The following SIM1 variants were observed in gnomAD, a reference collection of about 807,000 sequenced individuals.
The protein encoded by SIM1 is single-minded homolog 1.
SIM1 carries 18 observed loss-of-function variants against 78.2 expected under a neutral mutation model. The observed-to-expected ratio is 0.23, with a 90% CI of 0.16 to 0.34. SIM1 has a LOEUF of 0.34. Ranked by LOEUF, SIM1 falls within the 10% of genes least tolerant of loss-of-function variation. The probability of loss-of-function intolerance (pLI) is 1.00; values close to 1 mark genes in which losing one functional copy is unlikely to be tolerated. For synonymous variants in SIM1, 417 were observed against 385.2 expected (o/e 1.08, Z -0.97); for missense variants, 939 against 975.1 (o/e 0.96, Z 0.49).
At chr6:100,453,736 T>C (rs1378218074) in intron 3 of SIM1, 26 bp downstream of exon 3, 1 of 1,576,454 alleles carries the variant, frequency 6.3e-7, no homozygotes, top group South Asian at 1.1e-5. Flanking sequence ...AAAGCTTATG[T>C]GTTGCCGGAA....
intron 9 of SIM1, among the ~76,000 whole-genome samples, chr6:100,422,167 A>G (rs1314425397): frequency 6.6e-6 from 1 of 151,998 alleles, no homozygotes; most frequent in Non-Finnish European, 1.5e-5. Flanking sequence ...TTTTACATGC[A>G]TTTTTAATAG....
At chr6:100,423,482 G>A (rs1771646774) in intron 9 of SIM1, among the ~76,000 whole-genome samples, 1 of 152,130 alleles carries the variant, frequency 6.6e-6, no homozygotes, top group African/African-American at 2.4e-5. Flanking sequence ...TGAGTATTTT[G>A]GGGAAGGAAC....
rs1020259977 is a variant in SIM1 at position 100,387,243 on chromosome 6, T to G, written c.*3118A>C. ...AATCATACTTCTGTATCTATTTCAA[T>G]CAAGTTTCATGTTTCTCAACATTTG... On this transcript the variant is annotated 3_prime_UTR_variant, in exon 12 of 12. Coordinates refer to ENST00000369208, the MANE Select transcript of SIM1 (RefSeq NM_005068.3). 1 of 152,076 alleles carries G rather than the reference T, an allele frequency of 6.6e-6. No homozygotes were observed. Among genetic ancestry groups the G allele is most frequent in the Non-Finnish European group, 1.5e-5 (1 of 67,932 alleles). 9.4% of individuals were successfully genotyped at this position (152,076 alleles called of 1,614,324 possible).
Position 100,393,749 on chromosome 6 carries a change from G to A in SIM1, c.1308C>T (p.Tyr436=), listed in dbSNP as rs1770701209. 6.2e-7 allele frequency: 1 copy of A among 1,614,122 alleles called. No individual in the cohort carries two copies. Among genetic ancestry groups the A allele is most frequent in the Non-Finnish European group, 8.5e-7 (1 of 1,180,044 alleles). ...GAGAGCTGCGGTCCGAAAACTGTCT[G>A]TAGGCGCACGATGCGTCGTGCTGGG... The part of the protein sequence containing the change: ...PGSQHDASCA[Y]RQFSDRSSLC... The change falls in exon 11 of 12, where the codon TAC becomes TAT. Residue 436 remains tyrosine, a synonymous_variant. Transcript: ENST00000369208.
Position 100,463,657 on chromosome 6 carries a change from T to C in SIM1, c.-189A>G, listed in dbSNP as rs747552412. On this transcript the variant is annotated 5_prime_UTR_variant, in exon 2 of 12. In the 5' UTR this introduces an upstream ATG that the reference lacks. Transcript: ENST00000369208. Reference sequence around the variant, plus strand: ...AAGACCAGCGGGGGTGAACGGAAAATATGTTCTTTGAAAATTCGGGATGCA... The same window carrying C: ...AAGACCAGCGGGGGTGAACGGAAAACATGTTCTTTGAAAATTCGGGATGCA... The C allele has an allele frequency of 1.9e-6, 1 of 537,808 alleles. No individual in the cohort carries two copies. Among genetic ancestry groups the C allele is most frequent in the East Asian group, 2.9e-5 (1 of 34,286 alleles). 33.3% of individuals were successfully genotyped at this position (537,808 alleles called of 1,614,324 possible).
intron 9 of SIM1, among the ~76,000 whole-genome samples, chr6:100,434,240 C>T (rs1218067801): frequency 6.6e-6 from 1 of 152,206 alleles, no homozygotes; most frequent in South Asian, 2.1e-4. Flanking sequence ...CTTCATTCTT[C>T]TAGCATTCCT....
At chr6:100,448,729 C>A (rs1398160959) in intron 6 of SIM1, 51 bp from the exon 7 acceptor site, 2 of 1,540,752 alleles carry the variant, frequency 1.3e-6, no homozygotes, top group African/African-American at 2.7e-5. Flanking sequence ...GGAAGAGCCC[C>A]CAAAAGGTGG....
At chr6:100,415,840 C>G (rs1043490037) in intron 10 of SIM1, among the ~76,000 whole-genome samples, 2 of 152,138 alleles carry the variant, frequency 1.3e-5, no homozygotes, top group Non-Finnish European at 2.9e-5. Flanking sequence ...ACAGATAAGA[C>G]AGCTTGGGCA....
rs548284201 is a variant in SIM1 at position 100,463,651 on chromosome 6, G to A, written c.-183C>T. The A allele has an allele frequency of 3.3e-5, 18 of 549,158 alleles. No homozygotes were observed. The African/African-American group carries it at 3.4e-4, about 10-fold the overall frequency. The allele number at this position is 549,158 out of a possible 1,614,324, so 34.0% of individuals were successfully genotyped here. A position where few individuals can be genotyped will look rare whatever the true frequency, so the allele number is the denominator to read the frequency against. On this transcript the variant is annotated 5_prime_UTR_variant, in exon 2 of 12. Transcript: ENST00000369208. ...CAGTAAAAGACCAGCGGGGGTGAAC[G>A]GAAAATATGTTCTTTGAAAATTCGG...
At chr6:100,463,272 C>A in intron 2 of SIM1, 22 bp downstream of exon 2, 1 of 1,585,260 alleles carries the variant, frequency 6.3e-7, no homozygotes, top group Middle Eastern at 1.7e-4. Context: ...CTTTGAAATT[C>A]CATCTGGGCA....
intron 10 of SIM1, among the ~76,000 whole-genome samples, chr6:100,400,264 T>C (rs1050290684): frequency 1.3e-5 from 2 of 151,856 alleles, no homozygotes; most frequent in African/African-American, 4.8e-5. Flanking sequence ...TCAGTTAAAT[T>C]GTATGGCTAT....
intron 10 of SIM1, among the ~76,000 whole-genome samples, chr6:100,412,458 ACC>A (rs1428373280): frequency 2.0e-5 from 3 of 150,454 alleles, no homozygotes; most frequent in Non-Finnish European, 4.4e-5. Context: ...AATTGCTTGA[ACC>A]CAGGAGGCAG....
chr6:100,395,830 G>A (rs1582603771), intron 10 of SIM1, among the ~76,000 whole-genome samples: 1 of 152,186 alleles, frequency 6.6e-6, no homozygotes, highest in Admixed American at 6.5e-5. Flanking sequence ...AGGTTCCTCT[G>A]GGGAACCTCC....
In SIM1 at chr6:100,447,317, T is replaced by C. The variant is rs753390265; in HGVS notation, c.949A>G (p.Ser317Gly). The C allele has an allele frequency of 6.2e-7, 1 of 1,614,216 alleles. No homozygotes were observed. The highest frequency in any genetic ancestry group is 8.5e-7 in the Non-Finnish European group (1 of 1,180,050). ...VQSYATIVHNSRSSRPHCIVS... is the reference protein window; with the variant it reads ...VQSYATIVHNGRSSRPHCIVS... ...ATACAGTGTGGCCTGGAGGAGCGAC[T>C]GTTGTGCACGATGGTCGCGTAGCTC... The change falls in exon 9 of 12, where the codon AGT (serine) becomes GGT (glycine). Residue 317 changes from serine (S) to glycine (G), a missense_variant. This residue lies in a region of SIM1 where 66 missense variants were observed against 108.4 expected (regional missense o/e 0.61). Transcript: ENST00000369208.
At chr6:100,429,511 A>T (rs1771845284) in intron 9 of SIM1, among the ~76,000 whole-genome samples, 1 of 152,236 alleles carries the variant, frequency 6.6e-6, no homozygotes, top group African/African-American at 2.4e-5. Flanking sequence ...AATATTATGC[A>T]GTTATTAAAT....
intron 10 of SIM1, among the ~76,000 whole-genome samples, chr6:100,411,973 C>T (rs910003149): frequency 6.6e-6 from 1 of 152,078 alleles, no homozygotes; most frequent in African/African-American, 2.4e-5. Flanking sequence ...TCACAAAGTT[C>T]AGGTAGGGGA....
chr6:100,397,075 T>C (rs1273919376), intron 10 of SIM1, among the ~76,000 whole-genome samples: 1 of 152,244 alleles, frequency 6.6e-6, no homozygotes, highest in Non-Finnish European at 1.5e-5. Flanking sequence ...AATCCAAGTC[T>C]ACAAATTTTT....
At chr6:100,428,270 C>A (rs1290751817) in intron 9 of SIM1, among the ~76,000 whole-genome samples, 1 of 152,100 alleles carries the variant, frequency 6.6e-6, no homozygotes, top group Admixed American at 6.6e-5. Context: ...TCATCCTCAA[C>A]CATTTATTTG....
chr6:100,414,253 C>T (rs1771341731), intron 10 of SIM1, among the ~76,000 whole-genome samples: 1 of 152,212 alleles, frequency 6.6e-6, no homozygotes, highest in Non-Finnish European at 1.5e-5. Context: ...AAATTGTGGC[C>T]TTGAGGCCCT....
Sources: allele counts gnomAD v4.1 joint callset (sites outside exome capture counted in the v4.1 genomes callset), GRCh38; gene constraint gnomAD v4.1.1; regional missense constraint gnomAD v4.1.1; transcripts MANE v1.5; gene names NCBI Gene and HGNC (gene_info 2026-07-23, HGNC 2026-07-21).